Variants in CACNG2 observed in about 807,000 individuals in gnomAD.
The protein encoded by CACNG2 is voltage-dependent calcium channel gamma-2 subunit.
CACNG2 carries 3 observed loss-of-function variants against 25.9 expected under a neutral mutation model. The ratio of observed to expected loss-of-function variants is 0.12; its 90% confidence interval spans 0.05 to 0.30. The LOEUF is 0.30. Ranked by LOEUF, CACNG2 falls within the 10% of genes least tolerant of loss-of-function variation. CACNG2 has a pLI of 1.00. For missense variants in CACNG2, 341 were observed against 432.5 expected (o/e 0.79, Z 1.88); for synonymous variants, 167 against 173.3 (o/e 0.96, Z 0.29).
intron 1 of CACNG2, among the ~76,000 whole-genome samples, chr22:36,653,442 AG>A (rs1214121008): frequency 3.2e-5 from 4 of 126,580 alleles, no homozygotes; most frequent in Non-Finnish European, 5.9e-5. Context: ...TAGCGACCTT[AG>A]TTCTGCAGTG....
chr22:36,634,869 G>A (rs891751240), intron 1 of CACNG2, among the ~76,000 whole-genome samples: 8 of 152,204 alleles, frequency 5.3e-5, no homozygotes, highest in Non-Finnish European at 1.5e-5. Flanking sequence ...TGGAGTGAAT[G>A]TCTCTGGGAT....
chr22:36,581,481 C>G (rs137900197), intron 2 of CACNG2, among the ~76,000 whole-genome samples: 1 of 152,224 alleles, frequency 6.6e-6, no homozygotes, highest in Non-Finnish European at 1.5e-5. Context: ...GCCCCACCAT[C>G]CTTTCCACCC....
intron 1 of CACNG2, among the ~76,000 whole-genome samples, chr22:36,610,646 C>T (rs1226285165): frequency 6.6e-6 from 1 of 152,182 alleles, no homozygotes; most frequent in East Asian, 1.9e-4. Flanking sequence ...GCCAGCCTGT[C>T]CACAGAGAAG....
At chr22:36,571,513 A>G (rs1334440884) in intron 2 of CACNG2, among the ~76,000 whole-genome samples, 2 of 151,854 alleles carry the variant, frequency 1.3e-5, no homozygotes, top group African/African-American at 4.8e-5. Context: ...CTGAGTCATA[A>G]TCTCCATTTT....
At chr22:36,579,128 G>A (rs1397028468) in intron 2 of CACNG2, among the ~76,000 whole-genome samples, 1 of 152,084 alleles carries the variant, frequency 6.6e-6, no homozygotes, top group African/African-American at 2.4e-5. Context: ...AGCTCGACTG[G>A]GCATGATAGC....
chr22:36,581,464 G>A (rs570593389), intron 2 of CACNG2, among the ~76,000 whole-genome samples: 23 of 152,298 alleles, frequency 1.5e-4, no homozygotes, highest in East Asian at 5.8e-4. Context: ...TGGCTTGAGC[G>A]CGGTGAGCCC....
chr22:36,642,154 G>T lies in CACNG2; in HGVS notation c.212-54606C>A, dbSNP rs190090156. 5.3e-5 allele frequency among the ~76,000 whole-genome samples: 8 copies of T among 152,318 alleles called. No individual in the cohort carries two copies. In the East Asian group the frequency reaches 1.4e-3, roughly 26 times the overall value. On this transcript the variant is annotated intron_variant, in intron 1 of 3. Transcript: ENST00000300105. ...CTCAAGGCCAAGGCTGTCAGCTCGA[G>T]GGGAGGAGGTTGGGGAGAGAGGGGC...
chr22:36,656,008 A>G (rs1208526892), intron 1 of CACNG2, among the ~76,000 whole-genome samples: 2 of 152,048 alleles, frequency 1.3e-5, no homozygotes, highest in African/African-American at 4.8e-5. Context: ...GGGTTTCACC[A>G]TGTTGACCAG....
chr22:36,650,030 A>C (rs60163698), intron 1 of CACNG2, among the ~76,000 whole-genome samples: 3,510 of 152,308 alleles, frequency 0.023, 141 homozygotes, highest in African/African-American at 0.081. Context: ...CCCAGTCCAC[A>C]CCACCACCAA....
At chr22:36,594,772 GGTGTGTGTGTCT>G (rs765531242) in intron 1 of CACNG2, among the ~76,000 whole-genome samples, 3 of 147,064 alleles carry the variant, frequency 2.0e-5, no homozygotes, top group African/African-American at 7.5e-5. Context: ...TGCGTGCATG[GGTGTGTGTGTCT>G]GTGTGTGTGT....
At chr22:36,675,636 G>A (rs979238392) in intron 1 of CACNG2, among the ~76,000 whole-genome samples, 2 of 152,202 alleles carry the variant, frequency 1.3e-5, no homozygotes, top group Non-Finnish European at 2.9e-5. Context: ...CCCCACCAGG[G>A]GACGGCATGG....
At chr22:36,661,845 A>G (rs968814649) in intron 1 of CACNG2, among the ~76,000 whole-genome samples, 4 of 151,986 alleles carry the variant, frequency 2.6e-5, no homozygotes, top group Non-Finnish European at 4.4e-5. Context: ...CAAGCCTCTT[A>G]ACACTTTTCT....
At chr22:36,637,584 C>T (rs1460950469) in intron 1 of CACNG2, among the ~76,000 whole-genome samples, 1 of 152,148 alleles carries the variant, frequency 6.6e-6, no homozygotes, top group Non-Finnish European at 1.5e-5. Flanking sequence ...TCCACACTGT[C>T]ATATGCATCA....
intron 2 of CACNG2, among the ~76,000 whole-genome samples, chr22:36,583,603 T>C (rs757797171): frequency 6.6e-5 from 10 of 152,206 alleles, no homozygotes; most frequent in Non-Finnish European, 1.5e-4. Flanking sequence ...GTCCCTATCC[T>C]GAAATCTGTT....
chr22:36,634,160 A>G (rs1023302374), intron 1 of CACNG2, among the ~76,000 whole-genome samples: 1 of 152,218 alleles, frequency 6.6e-6, no homozygotes, highest in African/African-American at 2.4e-5. Flanking sequence ...AGAGACTACT[A>G]TGAACCACCT....
chr22:36,620,545 A>G (rs1414154469), intron 1 of CACNG2, among the ~76,000 whole-genome samples: 7 of 152,286 alleles, frequency 4.6e-5, no homozygotes, highest in Non-Finnish European at 1.0e-4. Flanking sequence ...GTGTTTAAGA[A>G]CACAGACTTA....
intron 1 of CACNG2, among the ~76,000 whole-genome samples, chr22:36,605,757 A>G (rs1188322868): frequency 6.6e-6 from 1 of 152,188 alleles, no homozygotes; most frequent in Non-Finnish European, 1.5e-5. Flanking sequence ...GCACAGATAG[A>G]TCACACAGTC....
intron 1 of CACNG2, among the ~76,000 whole-genome samples, chr22:36,691,213 A>G (rs948848968): frequency 6.6e-6 from 1 of 152,174 alleles, no homozygotes; most frequent in African/African-American, 2.4e-5. Flanking sequence ...GGTGGGAGGG[A>G]GCAGGGTGGG....
chr22:36,584,308 G>A (rs1935465932), intron 2 of CACNG2, among the ~76,000 whole-genome samples: 1 of 152,198 alleles, frequency 6.6e-6, no homozygotes, highest in South Asian at 2.1e-4. Flanking sequence ...AAAAAAATTA[G>A]CCAGGCATGG....
Sources: gnomAD v4.1 joint callset for allele counts (sites outside exome capture counted in the v4.1 genomes callset) on GRCh38, gnomAD v4.1.1 for gene constraint, MANE v1.5 for transcripts, NCBI Gene and HGNC (gene_info 2026-07-23, HGNC 2026-07-21) for gene names.